UACA: variants seen among roughly 807,000 people sequenced by gnomAD.
UACA encodes nuclear membrane binding protein.
UACA carries 112 observed loss-of-function variants against 160.5 expected under a neutral mutation model. That is an observed-to-expected ratio of 0.70 (90% CI 0.60 to 0.82). The LOEUF is 0.82. Among genes scored for constraint, UACA ranks in the 40% least tolerant of loss-of-function variants. UACA has a pLI of 0.00. For synonymous variants in UACA, 557 were observed against 568.4 expected, an observed-to-expected ratio of 0.98 and a Z score of 0.29; for missense variants, 1,574 against 1,614.6, an observed-to-expected ratio of 0.97 and a Z score of 0.43.
Position 70,684,255 on chromosome 15 carries a change from C to T in UACA, c.784+10G>A. The T allele has an allele frequency of 6.3e-7, 1 of 1,587,038 alleles. No homozygotes were observed. Among genetic ancestry groups the T allele is most frequent in the Non-Finnish European group, 8.6e-7 (1 of 1,169,552 alleles). ...TGTGGACTTTTCTAGTTACAGAAAACTGCTGATACCTTTGTTGGTATTTTC... is the reference window on the plus strand; with the variant it reads ...TGTGGACTTTTCTAGTTACAGAAAATTGCTGATACCTTTGTTGGTATTTTC... On this transcript the variant is annotated intron_variant, in intron 8 of 18. Transcript: ENST00000322954.
chr15:70,710,733 G>A (rs1274348402), intron 1 of UACA, among the ~76,000 whole-genome samples: 1 of 152,190 alleles, frequency 6.6e-6, no homozygotes, highest in Non-Finnish European at 1.5e-5. Flanking sequence ...CTTGCAGATC[G>A]AAGCGATGCA....
intron 1 of UACA, among the ~76,000 whole-genome samples, chr15:70,717,089 C>T (rs879758119): frequency 2.6e-5 from 4 of 152,094 alleles, no homozygotes; most frequent in Non-Finnish European, 5.9e-5. Context: ...GATGTGGTGG[C>T]GCATGCCTGT....
intron 1 of UACA, among the ~76,000 whole-genome samples, chr15:70,760,542 C>T (rs967132210): frequency 6.6e-6 from 1 of 152,160 alleles, no homozygotes; most frequent in African/African-American, 2.4e-5. Context: ...GGCGCAGTGG[C>T]TCACGCCTGT....
In UACA at chr15:70,668,413, A is replaced by T. The variant is rs1897012418; in HGVS notation, c.2271T>A (p.His757Gln). The part of the protein sequence containing the change: ...LKVSEDMKKS[H>Q]DAIIDDLNRK... ...TATTAAGATCATCAATAATTGCATCATGTGACTTTTTCATGTCTTCACTTA... is the reference window on the plus strand; with the variant it reads ...TATTAAGATCATCAATAATTGCATCTTGTGACTTTTTCATGTCTTCACTTA... Residue 757 changes from histidine to glutamine, a missense_variant, in exon 16 of 19, where the codon CAT (histidine) becomes CAA (glutamine). Coordinates refer to ENST00000322954, the MANE Select transcript of UACA (RefSeq NM_018003.4). 1.9e-6 allele frequency: 3 copies of T among 1,611,616 alleles called. No individual in the cohort carries two copies. Among genetic ancestry groups the T allele is most frequent in the Non-Finnish European group, 2.5e-6 (3 of 1,179,632 alleles).
At chr15:70,772,492 CAAAAAAAAAAAAA>C in the UACA span, among the ~76,000 whole-genome samples, 803 of 49,592 alleles carry the variant, frequency 0.016, 22 homozygotes, top group Non-Finnish European at 0.026. Context: ...GCCTCCATCT[CAAAAAAAAAAAAA>C]AAAAAAAAAA....
chr15:70,673,198 C>G (rs527667468), intron 13 of UACA, among the ~76,000 whole-genome samples: 135 of 152,124 alleles, frequency 8.9e-4, no homozygotes, highest in African/African-American at 3.2e-3. Flanking sequence ...CACCTGAGCC[C>G]GGGGAGGTCA....
chr15:70,754,152 T>TC, intron 1 of UACA: 1 of 456,070 alleles, frequency 2.2e-6, no homozygotes, highest in Non-Finnish European at 4.4e-6. Context: ...TGTGGGACAG[T>TC]CATTTATCCT....
At chr15:70,713,233 C>A (rs982316733) in intron 1 of UACA, among the ~76,000 whole-genome samples, 1 of 152,122 alleles carries the variant, frequency 6.6e-6, no homozygotes, top group Non-Finnish European at 1.5e-5. Flanking sequence ...CGCCTGTAGT[C>A]CCAGCTACTC....
intron 1 of UACA, 53 bp downstream of exon 1, chr15:70,763,277 G>A (rs1595931853): frequency 2.3e-6 from 3 of 1,309,430 alleles, no homozygotes; most frequent in Non-Finnish European, 2.9e-6. Context: ...AGCAAAGGAG[G>A]GCTGCGCTGC....
intron 7 of UACA, among the ~76,000 whole-genome samples, chr15:70,686,412 T>C (rs1431335885): frequency 6.6e-6 from 1 of 151,866 alleles, no homozygotes; most frequent in Non-Finnish European, 1.5e-5. Flanking sequence ...GCATTAAGCT[T>C]TGTCTGGAGA....
At chr15:70,725,745 C>T (rs540172081) in intron 1 of UACA, among the ~76,000 whole-genome samples, 89 of 152,124 alleles carry the variant, frequency 5.9e-4, no homozygotes, top group Non-Finnish European at 1.2e-4. Context: ...TGAGTGAAAG[C>T]AGAGGTATAT....
intron 1 of UACA, among the ~76,000 whole-genome samples, chr15:70,741,385 G>A (rs572328084): frequency 6.6e-5 from 10 of 152,226 alleles, no homozygotes; most frequent in Admixed American, 2.6e-4. Flanking sequence ...GGCATGTGCT[G>A]ATTCCCTGTT....
Position 70,678,102 on chromosome 15 carries a change from A to G in UACA, c.996T>C (p.Asn332=). ...DKVNGLQLQL[N]EEVMVADDLE... is the part of the protein sequence containing the mutation. ...TCTATTATGCAGATTTATTTACCTCATTCAGCTGTAACTGTAAACCATTGA... is the reference window on the plus strand; with the variant it reads ...TCTATTATGCAGATTTATTTACCTCGTTCAGCTGTAACTGTAAACCATTGA... The change falls in exon 11 of 19, where the codon AAT becomes AAC. Residue 332 remains asparagine, a synonymous_variant. Coordinates refer to ENST00000322954, the MANE Select transcript of UACA (RefSeq NM_018003.4). The G allele has an allele frequency of 6.3e-7, 1 of 1,585,182 alleles. No individual in the cohort carries two copies. Among genetic ancestry groups the G allele is most frequent in the East Asian group, 2.2e-5 (1 of 44,470 alleles).
chr15:70,726,222 C>A (rs1052949418), intron 1 of UACA, among the ~76,000 whole-genome samples: 1 of 152,012 alleles, frequency 6.6e-6, no homozygotes, highest in East Asian at 1.9e-4. Context: ...TAACTCAGCA[C>A]CCCCAAATCC....
intron 2 of UACA, among the ~76,000 whole-genome samples, chr15:70,697,638 A>G (rs1382311584): frequency 6.6e-6 from 1 of 152,262 alleles, no homozygotes; most frequent in African/African-American, 2.4e-5. Context: ...AATTGTAAAT[A>G]CAGAAAATAT....
intron 1 of UACA, among the ~76,000 whole-genome samples, chr15:70,736,505 G>A (rs567691843): frequency 3.9e-5 from 6 of 152,176 alleles, no homozygotes; most frequent in South Asian, 4.1e-4. Context: ...CACGATCTTG[G>A]CTCACTCTAA....
chr15:70,689,193 G>GT (rs2140946639), intron 5 of UACA, among the ~76,000 whole-genome samples: 1 of 152,260 alleles, frequency 6.6e-6, no homozygotes, highest in African/African-American at 2.4e-5. Flanking sequence ...ATACTCACAG[G>GT]TAAGTGGAGA....
chr15:70,695,003 G>C lies in UACA; in HGVS notation c.301+14C>G. On this transcript the variant is annotated intron_variant, in intron 3 of 18. Coordinates refer to ENST00000322954, the MANE Select transcript of UACA (RefSeq NM_018003.4). ...CACTTTATGTTTTATAATTAACTAT[G>C]GAGGCAAACATACCTGCAGTGTCAC... 6.3e-7 allele frequency: 1 copy of C among 1,587,012 alleles called. No homozygotes were observed. The highest frequency in any genetic ancestry group is 1.1e-5 in the South Asian group (1 of 89,012).
In UACA at chr15:70,655,032, C is replaced by T. The variant is rs1304046917; in HGVS notation, c.*2024G>A. The T allele has an allele frequency of 6.6e-6, 1 of 152,188 alleles. No individual in the cohort carries two copies. The highest frequency in any genetic ancestry group is 2.4e-5 in the African/African-American group (1 of 41,442). The allele number at this position is 152,188 out of a possible 1,614,324, so 9.4% of individuals were successfully genotyped here. ...GTACTTTGGAGTCCATCGTTTCCTA[C>T]TCCCAATGCTCTCACAGACAGTAAA... On this transcript the variant is annotated 3_prime_UTR_variant, in exon 19 of 19. Coordinates refer to ENST00000322954, the MANE Select transcript of UACA (RefSeq NM_018003.4).
Sources: gnomAD v4.1 joint callset for allele counts (sites outside exome capture counted in the v4.1 genomes callset) on GRCh38, gnomAD v4.1.1 for gene constraint, MANE v1.5 for transcripts, NCBI Gene and HGNC (gene_info 2026-07-23, HGNC 2026-07-21) for gene names.